Variants in ZNF560 observed in about 807,000 individuals in gnomAD.
ZNF560 encodes the protein zinc finger protein 560.
A neutral mutation model predicts 81.8 loss-of-function variants in ZNF560; 54 were observed. The observed-to-expected ratio is 0.66, with a 90% confidence interval of 0.53 to 0.83. ZNF560 has a LOEUF of 0.83. Among genes scored for constraint, ZNF560 ranks in the 40% least tolerant of loss-of-function variants. ZNF560 has a pLI of 0.00. For missense variants in ZNF560, 940 were observed against 932.4 expected, an observed-to-expected ratio of 1.01 and a Z score of -0.11; for synonymous variants, 321 against 317.9, an observed-to-expected ratio of 1.01 and a Z score of -0.10.
the ZNF560 span, among the ~76,000 whole-genome samples, chr19:9,457,497 A>G: frequency 6.6e-6 from 1 of 152,208 alleles, no homozygotes; most frequent in Non-Finnish European, 1.5e-5. Context: ...AATTGAACCT[A>G]CTCATAAAAG....
intron 2 of ZNF560, among the ~76,000 whole-genome samples, chr19:9,477,459 C>G (rs186109232): frequency 6.6e-6 from 1 of 152,162 alleles, no homozygotes; most frequent in Non-Finnish European, 1.5e-5. Context: ...ATGTGCTATT[C>G]TACTTTTGAC....
upstream of ZNF560, among the ~76,000 whole-genome samples, chr19:9,499,187 T>G (rs556579668): frequency 1.3e-5 from 2 of 152,170 alleles, no homozygotes; most frequent in Non-Finnish European, 2.9e-5. Context: ...TTTCTTTTTT[T>G]CTTCGAGGTA....
At chr19:9,500,395 A>AC (rs1491533514), upstream of ZNF560, among the ~76,000 whole-genome samples, 1 of 40,452 alleles carries the variant, frequency 2.5e-5, no homozygotes, top group Non-Finnish European at 7.6e-5. Flanking sequence ...ACTTCATCTC[A>AC]AAAAAAAAAA....
intron 9 of ZNF560, 51 bp downstream of exon 9, chr19:9,469,053 TA>T: frequency 7.2e-7 from 1 of 1,388,604 alleles, no homozygotes; most frequent in Admixed American, 2.2e-5. Flanking sequence ...TATAATGCAA[TA>T]CCAGTCTTCT....
Position 9,471,372 on chromosome 19 carries a change from G to A in ZNF560, c.245C>T (p.Ala82Val), listed in dbSNP as rs1180879373. 2 of 1,564,840 alleles carry A rather than the reference G, an allele frequency of 1.3e-6. No individual in the cohort carries two copies. Among genetic ancestry groups the A allele is most frequent in the Middle Eastern group, 1.8e-4 (1 of 5,502 alleles). ...TLQQGVLQDW[A>V]IKHQTSVSAL... ...TGAAACACTGGTTTGATGTTTTATT[G>A]CCCAGTCTGAAACAAAAACATAAAC... Residue 82 changes from alanine (A) to valine (V), a missense_variant, in exon 6 of 10, where the codon GCA becomes GTA. Coordinates refer to ENST00000301480, the MANE Select transcript of ZNF560 (RefSeq NM_152476.3).
the ZNF560 span, among the ~76,000 whole-genome samples, chr19:9,450,424 A>G: frequency 6.6e-6 from 1 of 152,246 alleles, no homozygotes; most frequent in Non-Finnish European, 1.5e-5. Flanking sequence ...CACTGATGAT[A>G]TGAGTCTGTA....
intron 2 of ZNF560, among the ~76,000 whole-genome samples, chr19:9,488,576 G>C (rs2073421526): frequency 6.6e-6 from 1 of 151,950 alleles, no homozygotes; most frequent in African/African-American, 2.4e-5. Flanking sequence ...AATCCAGGGA[G>C]AAAGATATAC....
the ZNF560 span, among the ~76,000 whole-genome samples, chr19:9,458,289 T>G: frequency 6.6e-6 from 1 of 152,150 alleles, no homozygotes; most frequent in Admixed American, 6.5e-5. Context: ...TTTTTGAAAT[T>G]AACTAATTGG....
chr19:9,481,877 GGATCTA>G (rs1389372783), intron 2 of ZNF560, among the ~76,000 whole-genome samples: 1 of 152,210 alleles, frequency 6.6e-6, no homozygotes, highest in Non-Finnish European at 1.5e-5. Flanking sequence ...AATTCCTCAA[GGATCTA>G]GAACTAGAAA....
At chr19:9,465,418 A>G (rs2072999901), downstream of ZNF560, among the ~76,000 whole-genome samples, 1 of 152,192 alleles carries the variant, frequency 6.6e-6, no homozygotes, top group African/African-American at 2.4e-5. Flanking sequence ...GATTATAGGC[A>G]TGAGCCACTG....
At chr19:9,483,015 A>G (rs1599668483) in intron 2 of ZNF560, among the ~76,000 whole-genome samples, 1 of 151,686 alleles carries the variant, frequency 6.6e-6, no homozygotes, top group African/African-American at 2.4e-5. Context: ...GCTCGCTACA[A>G]CCTCCACCTC....
At position 9,467,931 on chromosome 19, in the gene ZNF560, A is replaced by C. The variant is rs1009740187; in HGVS notation, c.1016T>G (p.Val339Gly). The C allele has an allele frequency of 8.7e-6, 14 of 1,614,014 alleles. No individual in the cohort carries two copies. The highest frequency in any genetic ancestry group is 1.2e-5 in the Non-Finnish European group (14 of 1,180,024). The change falls in exon 10 of 10, where the codon GTT (valine) becomes GGT (glycine). Residue 339 changes from valine (V) to glycine (G), a missense_variant. Transcript: ENST00000301480. ...GGGGTTTTTAATAATGTGTGTTTCAACATTTACAGCATGGCTTGTGGAGTG... is the reference window on the plus strand; with the variant it reads ...GGGGTTTTTAATAATGTGTGTTTCACCATTTACAGCATGGCTTGTGGAGTG... ...FTHSTSHAVN[V>G]ETHIIKNPYE...
At chr19:9,500,662 C>T (rs2073626056), upstream of ZNF560, among the ~76,000 whole-genome samples, 1 of 152,026 alleles carries the variant, frequency 6.6e-6, no homozygotes, top group African/African-American at 2.4e-5. Context: ...CAACCTCCAC[C>T]TCCCGGGTTC....
At chr19:9,452,357 C>T in the ZNF560 span, among the ~76,000 whole-genome samples, 89 of 152,270 alleles carry the variant, frequency 5.8e-4, no homozygotes, top group South Asian at 0.018. Flanking sequence ...CTCAAAAGAA[C>T]TTATAACAAA....
Position 9,468,240 on chromosome 19 carries a change from T to C in ZNF560, c.707A>G (p.Gln236Arg). The C allele has an allele frequency of 1.9e-6, 3 of 1,614,148 alleles. No individual in the cohort carries two copies. The East Asian group carries it at 6.7e-5, about 36-fold the overall frequency. ...ACATTCAGACGTGTTGCCTCTATTT[T>C]GAGTACTCATGTTGGTCTTAAGGCA... is the stretch of plus-strand genomic sequence containing the variant. Reference protein sequence around the residue: ...HPCLKTNMSTQNRGNTSECIQ... With the variant: ...HPCLKTNMSTRNRGNTSECIQ... The change falls in exon 10 of 10, where the codon CAA becomes CGA. Residue 236 changes from glutamine (Q) to arginine (R), a missense_variant. Physicochemically the swap from Gln to Arg is conservative, Grantham distance 43 (BLOSUM62 1). Transcript: ENST00000301480.
chr19:9,501,325 CTTTGTGTGTGTGTGTGTGTG>C (rs1568470845), upstream of ZNF560, among the ~76,000 whole-genome samples: 4 of 104,544 alleles, frequency 3.8e-5, no homozygotes, highest in African/African-American at 1.5e-4. Context: ...TGCCTGGCTA[CTTTGTGTGTGTGTGTGTGTG>C]TGTGTGTGTG....
chr19:9,505,036 G>A, the ZNF560 span, among the ~76,000 whole-genome samples: 6 of 152,170 alleles, frequency 3.9e-5, no homozygotes, highest in African/African-American at 1.4e-4. Context: ...TGTGAGCCAA[G>A]ATTGCATCAC....
At chr19:9,504,451 A>T in the ZNF560 span, among the ~76,000 whole-genome samples, 1 of 152,024 alleles carries the variant, frequency 6.6e-6, no homozygotes, top group Non-Finnish European at 1.5e-5. Context: ...AATAAAAATT[A>T]AAAAAAATAA....
intron 2 of ZNF560, among the ~76,000 whole-genome samples, chr19:9,483,120 A>G (rs201676332): frequency 0.15 from 21,751 of 141,210 alleles, 2,306 homozygotes; most frequent in African/African-American, 0.32. Flanking sequence ...CTGCCTGGCC[A>G]CCCATCGTCT....
Sources: allele counts gnomAD v4.1 joint callset (sites outside exome capture counted in the v4.1 genomes callset), GRCh38; gene constraint gnomAD v4.1.1; transcripts MANE v1.5; gene names NCBI Gene and HGNC (gene_info 2026-07-23, HGNC 2026-07-21).